Variants in ESRRG observed in about 807,000 individuals in gnomAD.
ESRRG encodes estrogen related receptor gamma.
ESRRG carries 13 observed loss-of-function variants against 44.0 expected under a neutral mutation model. The ratio of observed to expected loss-of-function variants is 0.30; its 90% confidence interval spans 0.19 to 0.47. The LOEUF (loss-of-function observed/expected upper bound fraction) is 0.47. Among genes scored for constraint, ESRRG ranks in the 20% least tolerant of loss-of-function variants. ESRRG has a pLI of 1.00. For missense variants in ESRRG, 395 were observed against 580.6 expected (o/e 0.68, Z 3.29); for synonymous variants, 215 against 214.6 (o/e 1.00, Z -0.02).
chr1:216,908,537 G>T (rs1235353839), intron 2 of ESRRG, among the ~76,000 whole-genome samples: 2 of 152,096 alleles, frequency 1.3e-5, no homozygotes, highest in African/African-American at 4.8e-5. Context: ...TATAGGTATT[G>T]TCACACACAC....
chr1:216,509,874 TAGTTC>T (rs1399630844), intron 6 of ESRRG, among the ~76,000 whole-genome samples: 2 of 152,248 alleles, frequency 1.3e-5, no homozygotes, highest in African/African-American at 4.8e-5. Flanking sequence ...TTAGGGATCC[TAGTTC>T]AAGTTCTGGA....
At chr1:216,775,546 C>A (rs1419864039) in intron 2 of ESRRG, among the ~76,000 whole-genome samples, 1 of 109,426 alleles carries the variant, frequency 9.1e-6, no homozygotes, top group African/African-American at 3.2e-5. Flanking sequence ...AATAAAATGT[C>A]ACATCTTTTT....
chr1:216,919,092 T>C (rs1010917455), intron 2 of ESRRG, among the ~76,000 whole-genome samples: 1 of 152,150 alleles, frequency 6.6e-6, no homozygotes, highest in Non-Finnish European at 1.5e-5. Flanking sequence ...ATAAATTCAC[T>C]TCCTTATCTA....
At chr1:216,651,137 A>G (rs751421355) in intron 2 of ESRRG, 48 bp from the exon 3 acceptor site, 2 of 1,210,996 alleles carry the variant, frequency 1.7e-6, no homozygotes, top group South Asian at 2.4e-5. Flanking sequence ...AAGATCCAGG[A>G]AACATTAGCT....
chr1:216,942,736 C>A (rs2065454954), intron 1 of ESRRG, among the ~76,000 whole-genome samples: 1 of 152,076 alleles, frequency 6.6e-6, no homozygotes, highest in African/African-American at 2.4e-5. Context: ...TGTTTATGTT[C>A]TTAGCCCAAT....
rs1255637839 is a variant in ESRRG, at chr1:217,026,912, C to CACACACACACAGAGAGAGAGAGAGAGAG, written c.-106+62594_-106+62595insCTCTCTCTCTCTCTCTCTGTGTGTGTGT. ...ATACACACACACACACACACACACACAGAGAGAGAGAGAGAGAGAGAGAGA... is the reference window on the plus strand; with the variant it reads ...ATACACACACACACACACACACACACACACACACACAGAGAGAGAGAGAGAGAGAGAGAGAGAGAGAGAGAGAGAGAGA... On this transcript the variant is annotated intron_variant, in intron 1 of 7. Coordinates refer to the ESRRG transcript ENST00000359162. Among the ~76,000 whole-genome samples the CACACACACACAGAGAGAGAGAGAGAGAG allele has an allele frequency of 4.0e-3, 371 of 93,304 alleles. 2 individuals are homozygous for CACACACACACAGAGAGAGAGAGAGAGAG. The highest frequency in any genetic ancestry group is 6.1e-3 in the Non-Finnish European group (283 of 46,236). 61.2% of individuals were successfully genotyped at this position (93,304 alleles called of 152,430 possible). A position where few individuals can be genotyped will look rare whatever the true frequency, so the allele number is the denominator to read the frequency against.
At chr1:216,793,032 C>T (rs1206988419) in intron 2 of ESRRG, among the ~76,000 whole-genome samples, 1 of 152,140 alleles carries the variant, frequency 6.6e-6, no homozygotes, top group Non-Finnish European at 1.5e-5. Flanking sequence ...AACAAATTTC[C>T]CAGACAGGTA....
At chr1:216,796,892 T>C (rs1208661293) in intron 2 of ESRRG, among the ~76,000 whole-genome samples, 2 of 152,142 alleles carry the variant, frequency 1.3e-5, no homozygotes, top group Non-Finnish European at 2.9e-5. Flanking sequence ...TTTATTTATT[T>C]ATTTATTTTG....
At chr1:216,844,252 AAG>A (rs2095702118) in intron 2 of ESRRG, among the ~76,000 whole-genome samples, 1 of 152,064 alleles carries the variant, frequency 6.6e-6, no homozygotes, top group African/African-American at 2.4e-5. Flanking sequence ...GTTAAAGTAA[AAG>A]TTCTGATTAA....
At chr1:216,518,823 G>A (rs570053398) in intron 6 of ESRRG, among the ~76,000 whole-genome samples, 7 of 152,122 alleles carry the variant, frequency 4.6e-5, no homozygotes, top group African/African-American at 1.4e-4. Flanking sequence ...TTTAACTTAC[G>A]CATAAAATAC....
chr1:216,893,583 A>C (rs1329971655), intron 2 of ESRRG, among the ~76,000 whole-genome samples: 3 of 152,134 alleles, frequency 2.0e-5, no homozygotes, highest in Admixed American at 1.3e-4. Context: ...CCATCAATAC[A>C]TCTTCATTTA....
In ESRRG at chr1:216,821,072, T is replaced by C. The variant is rs74591840; in HGVS notation, c.-14+118510A>G. On this transcript the variant is annotated intron_variant, in intron 2 of 7. Transcript: ENST00000359162. ...ATTCAGCTGCATGTGTGTTAATGTATTTAAAAAAAACAAAGTCTGAGCTAA... is the reference window on the plus strand; with the variant it reads ...ATTCAGCTGCATGTGTGTTAATGTACTTAAAAAAAACAAAGTCTGAGCTAA... 1.2e-3 allele frequency among the ~76,000 whole-genome samples: 187 copies of C among 152,212 alleles called. 3 individuals are homozygous for C. In the East Asian group the frequency reaches 0.03, roughly 24 times the overall value.
At chr1:216,539,579 T>C (rs1230283919) in intron 5 of ESRRG, among the ~76,000 whole-genome samples, 2 of 152,060 alleles carry the variant, frequency 1.3e-5, no homozygotes, top group African/African-American at 4.8e-5. Flanking sequence ...TATGCTGTCC[T>C]TCCTGTCCAT....
chr1:216,723,733 T>G (rs934407582), upstream of ESRRG, among the ~76,000 whole-genome samples: 2 of 151,702 alleles, frequency 1.3e-5, no homozygotes, highest in South Asian at 4.2e-4. Flanking sequence ...TTCTCTCTCT[T>G]TCTTTTTTTT....
chr1:217,065,726 C>G (rs2089531993), intron 1 of ESRRG, among the ~76,000 whole-genome samples: 2 of 152,206 alleles, frequency 1.3e-5, no homozygotes, highest in South Asian at 4.1e-4. Context: ...ATGGGATCAG[C>G]TGCAGAACTG....
chr1:217,083,331 C>T (rs1580496014), intron 1 of ESRRG, among the ~76,000 whole-genome samples: 2 of 152,330 alleles, frequency 1.3e-5, no homozygotes, highest in East Asian at 1.9e-4. Flanking sequence ...TCATTTACTA[C>T]TCGGTATACT....
intron 1 of ESRRG, among the ~76,000 whole-genome samples, chr1:216,714,045 T>G (rs2084245675): frequency 6.6e-6 from 1 of 152,152 alleles, no homozygotes. Flanking sequence ...AAGTTGTATC[T>G]TCTATGCACT....
At chr1:216,672,057 G>A (rs891837171) in intron 2 of ESRRG, among the ~76,000 whole-genome samples, 5 of 151,650 alleles carry the variant, frequency 3.3e-5, no homozygotes, top group African/African-American at 1.2e-4. Context: ...AAGGAAGGAA[G>A]GAAGGAGGGA....
chr1:217,059,305 A>G (rs2087845741), intron 1 of ESRRG, among the ~76,000 whole-genome samples: 1 of 151,898 alleles, frequency 6.6e-6, no homozygotes, highest in South Asian at 2.1e-4. Context: ...ATATAACTAC[A>G]TATAGTTTAT....
Sources: allele counts gnomAD v4.1 joint callset (sites outside exome capture counted in the v4.1 genomes callset), GRCh38; gene constraint gnomAD v4.1.1; transcripts MANE v1.5; gene names NCBI Gene and HGNC (gene_info 2026-07-23, HGNC 2026-07-21).